TMIGD3: variants seen among roughly 807,000 people sequenced by gnomAD.
The protein encoded by TMIGD3 is AD026 protein (AD026).
Under a neutral mutation model 28.1 loss-of-function variants are expected in TMIGD3, and 21 were observed. The ratio of observed to expected loss-of-function variants is 0.75; its 90% CI spans 0.53 to 1.08. The LOEUF (loss-of-function observed/expected upper bound fraction) is 1.08, where lower values mean the gene tolerates loss of function less well. TMIGD3 is among the 50% of genes least tolerant of loss of function. The pLI is 0.00. For synonymous variants in TMIGD3, 151 were observed against 162.1 expected (o/e 0.93, Z 0.52); for missense variants, 416 against 435.6 (o/e 0.96, Z 0.40).
chr1:111,531,633 A>AT (rs1267638329), intron 1 of TMIGD3, among the ~76,000 whole-genome samples: 1 of 152,020 alleles, frequency 6.6e-6, no homozygotes, highest in Non-Finnish European at 1.5e-5. Flanking sequence ...ATGCCAGATG[A>AT]TTTTCTGATT....
At chr1:111,507,640 G>C (rs529727381), upstream of TMIGD3, among the ~76,000 whole-genome samples, 4 of 152,338 alleles carry the variant, frequency 2.6e-5, no homozygotes, top group East Asian at 1.9e-4. Flanking sequence ...GCTGGTCCAC[G>C]GGCAGCTAAG....
At chr1:111,483,788 G>A (rs779604274) in intron 5 of TMIGD3, 31 bp from the exon 6 acceptor site, 2 of 1,580,368 alleles carry the variant, frequency 1.3e-6, no homozygotes, top group African/African-American at 1.3e-5. Flanking sequence ...GGAAAATGGA[G>A]TTGAGATCTA....
intron 1 of TMIGD3, chr1:111,500,013 T>A: frequency 1.2e-6 from 2 of 1,614,194 alleles, no homozygotes; most frequent in Non-Finnish European, 1.7e-6. Context: ...CCACACAAGC[T>A]TTGAGGATCA....
At chr1:111,557,135 A>C (rs1657526899) in intron 1 of TMIGD3, among the ~76,000 whole-genome samples, 1 of 152,242 alleles carries the variant, frequency 6.6e-6, no homozygotes, top group African/African-American at 2.4e-5. Flanking sequence ...CTACAGAGGA[A>C]TGATATTTAG....
At chr1:111,520,698 A>T (rs1656028469) in intron 1 of TMIGD3, among the ~76,000 whole-genome samples, 1 of 152,248 alleles carries the variant, frequency 6.6e-6, no homozygotes, top group Non-Finnish European at 1.5e-5. Flanking sequence ...GTGGATCATG[A>T]CCACATTGCA....
chr1:111,506,892 C>CAAAAAA (rs10653519), upstream of TMIGD3, among the ~76,000 whole-genome samples: 85 of 132,246 alleles, frequency 6.4e-4, 1 homozygote, highest in Non-Finnish European at 9.6e-4. Flanking sequence ...TTCTTAAAAA[C>CAAAAAA]AAAAAATATA....
chr1:111,536,096 G>A (rs539511980), intron 1 of TMIGD3, among the ~76,000 whole-genome samples: 5 of 152,242 alleles, frequency 3.3e-5, no homozygotes, highest in Admixed American at 2.0e-4. Flanking sequence ...TTATGGCAAC[G>A]GGATCCTTTA....
rs1654221742 is a variant in TMIGD3 at position 111,483,625 on chromosome 1, G to C, written c.*62C>G. On this transcript the variant is annotated 3_prime_UTR_variant, in exon 6 of 6. Transcript: ENST00000369716. The stretch of plus-strand genomic sequence containing the variant: ...GAATCAGTCTCTGAGGTGTGGGCCA[G>C]TTGTCATGGTGATTATTCTGTTGTA... 1 of 1,342,428 alleles carries C rather than the reference G, an allele frequency of 7.4e-7. No homozygotes were observed. Among genetic ancestry groups the C allele is most frequent in the Non-Finnish European group, 1.1e-6 (1 of 939,942 alleles). 83.2% of individuals were successfully genotyped at this position (1,342,428 alleles called of 1,614,324 possible). A position where few individuals can be genotyped will look rare whatever the true frequency, so the allele number is the denominator to read the frequency against.
At chr1:111,516,675 A>G (rs1351509859) in intron 1 of TMIGD3, among the ~76,000 whole-genome samples, 1 of 152,182 alleles carries the variant, frequency 6.6e-6, no homozygotes. Context: ...CCAGGCAGAA[A>G]GCCACAAAGC....
intron 1 of TMIGD3, among the ~76,000 whole-genome samples, chr1:111,495,975 A>G (rs1035713005): frequency 2.6e-5 from 4 of 152,214 alleles, no homozygotes; most frequent in African/African-American, 9.6e-5. Context: ...GGAGAAAAAG[A>G]GGGAAACAAC....
chr1:111,542,263 G>A (rs1656861432), intron 1 of TMIGD3: 6 of 604,414 alleles, frequency 9.9e-6, no homozygotes, highest in East Asian at 4.6e-5. Flanking sequence ...TATTGAGGCC[G>A]TATTTCAGGA....
At chr1:111,524,175 G>T (rs1469730651) in intron 1 of TMIGD3, among the ~76,000 whole-genome samples, 5 of 150,516 alleles carry the variant, frequency 3.3e-5, no homozygotes, top group Admixed American at 6.6e-5. Flanking sequence ...GACTACAGGC[G>T]CCCGCCACTA....
chr1:111,497,689 G>A (rs761147730), intron 1 of TMIGD3, among the ~76,000 whole-genome samples: 1 of 152,094 alleles, frequency 6.6e-6, no homozygotes, highest in South Asian at 2.1e-4. Context: ...GGAGGAGGAG[G>A]AAGAGGGAAG....
At chr1:111,563,533 G>C (rs1396087208) in intron 1 of TMIGD3, among the ~76,000 whole-genome samples, 1 of 152,166 alleles carries the variant, frequency 6.6e-6, no homozygotes, top group Non-Finnish European at 1.5e-5. Flanking sequence ...CAAGAGCCCT[G>C]AGTTATATAC....
At chr1:111,560,343 T>C (rs1286410848) in intron 1 of TMIGD3, among the ~76,000 whole-genome samples, 2 of 151,946 alleles carry the variant, frequency 1.3e-5, no homozygotes, top group East Asian at 3.9e-4. Flanking sequence ...GTCTCATTTA[T>C]TGTTTCTGTA....
At chr1:111,552,364 T>G (rs964072808) in intron 1 of TMIGD3, among the ~76,000 whole-genome samples, 4 of 152,240 alleles carry the variant, frequency 2.6e-5, no homozygotes, top group African/African-American at 4.8e-5. Context: ...GTCACAAGTC[T>G]GTCCCTCCTA....
chr1:111,506,992 C>CACACACAT, upstream of TMIGD3, among the ~76,000 whole-genome samples: 2 of 136,658 alleles, frequency 1.5e-5, no homozygotes, highest in Non-Finnish European at 3.1e-5. Context: ...CATATATATA[C>CACACACAT]ATATATACAC....
intron 5 of TMIGD3, 110 bp downstream of exon 5, chr1:111,485,630 T>G (rs1571395406): frequency 1.2e-6 from 1 of 828,656 alleles, no homozygotes. Flanking sequence ...GGTCTCCAGG[T>G]GACCAGGCAA....
chr1:111,541,310 G>A (rs1268575180), intron 1 of TMIGD3, among the ~76,000 whole-genome samples: 2 of 152,138 alleles, frequency 1.3e-5, no homozygotes, highest in African/African-American at 4.8e-5. Flanking sequence ...TAAGTGTGCT[G>A]GAGAACTTCA....
Sources: allele counts gnomAD v4.1 joint callset (sites outside exome capture counted in the v4.1 genomes callset), GRCh38; gene constraint gnomAD v4.1.1; transcripts MANE v1.5; gene names NCBI Gene and HGNC (gene_info 2026-07-23, HGNC 2026-07-21).